Variants in TSPEAR observed in about 807,000 individuals in gnomAD.
TSPEAR encodes thrombospondin type laminin G domain and EAR repeats.
Under a neutral mutation model 71.6 loss-of-function variants are expected in TSPEAR, and 69 were observed. That is an observed-to-expected ratio of 0.96 (90% CI 0.79 to 1.18). The LOEUF (loss-of-function observed/expected upper bound fraction) is 1.18, where lower values mean the gene tolerates loss of function less well. TSPEAR is among the 50% of genes most tolerant of loss of function. TSPEAR has a pLI of 0.00. For missense variants in TSPEAR, 971 were observed against 894.9 expected (o/e 1.09, Z -1.09); for synonymous variants, 402 against 387.2 (o/e 1.04, Z -0.45).
chr21:44,709,557 G>C (rs186182297), intron 1 of TSPEAR, among the ~76,000 whole-genome samples: 1 of 152,356 alleles, frequency 6.6e-6, no homozygotes, highest in African/African-American at 2.4e-5. Context: ...CATGGGCCCC[G>C]TGGCAGACCC....
chr21:44,543,550 T>G (rs2053255147), intron 2 of TSPEAR, among the ~76,000 whole-genome samples: 1 of 152,174 alleles, frequency 6.6e-6, no homozygotes, highest in Non-Finnish European at 1.5e-5. Flanking sequence ...AATAAGGTAT[T>G]TGCAGATATA....
intron 1 of TSPEAR, chr21:44,600,589 C>A (rs1980732686): frequency 4.4e-6 from 7 of 1,596,262 alleles, no homozygotes; most frequent in Non-Finnish European, 6.0e-6. Context: ...CACTCACCCA[C>A]TCACTCCCAT....
intron 1 of TSPEAR, chr21:44,702,848 C>T: frequency 1.1e-6 from 1 of 908,628 alleles, no homozygotes; most frequent in South Asian, 1.5e-5. Context: ...CCCCCAACCT[C>T]TCCCACTGCT....
chr21:44,652,650 A>G (rs587746665), intron 1 of TSPEAR, among the ~76,000 whole-genome samples: 25 of 152,306 alleles, frequency 1.6e-4, no homozygotes, highest in African/African-American at 5.5e-4. Flanking sequence ...TATACTTGCA[A>G]GTATCTTTCT....
At chr21:44,518,811 A>G (rs2052668325) in intron 9 of TSPEAR, 1 of 421,636 alleles carries the variant, frequency 2.4e-6, no homozygotes, top group Non-Finnish European at 5.0e-6. Flanking sequence ...CTCCTCAAAC[A>G]TGCTCCAGTG....
At chr21:44,679,611 C>A (rs1555947592) in intron 1 of TSPEAR, among the ~76,000 whole-genome samples, 1 of 152,186 alleles carries the variant, frequency 6.6e-6, no homozygotes, top group Admixed American at 6.5e-5. Context: ...ACAAAAAGAA[C>A]AAACCTGTAG....
At position 44,678,746 on chromosome 21, in the gene TSPEAR, A is replaced by T. The variant is rs373889131; in HGVS notation, c.82+32687T>A. Among the ~76,000 whole-genome samples, 43 of 152,312 alleles carry T rather than the reference A, an allele frequency of 2.8e-4. 1 individual carries two copies. The South Asian group carries it at 7.9e-3, about 28-fold the overall frequency. ...AAAAATCTAAAGACTCCACCAAAAA[A>T]CTATTAGAACTGATAAACAAATTTA... On this transcript the variant is annotated intron_variant, in intron 1 of 11. Transcript: ENST00000323084.
intron 1 of TSPEAR, among the ~76,000 whole-genome samples, chr21:44,667,725 C>A (rs1985862332): frequency 6.6e-6 from 1 of 152,182 alleles, no homozygotes; most frequent in Non-Finnish European, 1.5e-5. Flanking sequence ...GCACCCTGTA[C>A]TGCAGGGACA....
At position 44,533,866 on chromosome 21, in the gene TSPEAR, G is replaced by A; in HGVS notation, c.361C>T (p.Leu121=). The A allele has an allele frequency of 8.1e-6, 13 of 1,612,442 alleles. No individual in the cohort carries two copies. The highest frequency in any genetic ancestry group is 9.3e-6 in the Non-Finnish European group (11 of 1,179,892). ...AEESDLLLLG[L]RLSPAQLHFL... is the part of the protein sequence containing the mutation. ...TGCAGCTGGGCAGGTGACAACCGCA[G>A]GCCGAGCAGCAGCAGGTCGCTCTCC... Residue 121 remains leucine (L), a synonymous_variant, in exon 3 of 12, where the codon CTG becomes TTG. Transcript: ENST00000323084.
At chr21:44,558,789 GTGAT>G in intron 2 of TSPEAR, 2 of 1,531,522 alleles carry the variant, frequency 1.3e-6, no homozygotes, top group African/African-American at 1.4e-5. Flanking sequence ...GAGTGAGTGA[GTGAT>G]CGTGCCAGGC....
chr21:44,697,824 G>T (rs576036099), intron 1 of TSPEAR: 1 of 1,613,420 alleles, frequency 6.2e-7, no homozygotes, highest in Non-Finnish European at 8.5e-7. Flanking sequence ...CCCGCCCGCC[G>T]CGTGCCCGTC....
At chr21:44,701,348 C>G (rs1555951503) in intron 1 of TSPEAR, among the ~76,000 whole-genome samples, 5 of 152,168 alleles carry the variant, frequency 3.3e-5, no homozygotes, top group Non-Finnish European at 7.3e-5. Flanking sequence ...GAACAGCGGT[C>G]CCCAACCTTC....
chr21:44,503,124 CG>C (rs1261691481), intron 11 of TSPEAR, among the ~76,000 whole-genome samples: 2 of 132,158 alleles, frequency 1.5e-5, no homozygotes, highest in Non-Finnish European at 3.2e-5. Flanking sequence ...GGTGAGTCCT[CG>C]GGGGGAAGCA....
At chr21:44,565,423 A>G (rs1161804657) in intron 2 of TSPEAR, among the ~76,000 whole-genome samples, 1 of 152,222 alleles carries the variant, frequency 6.6e-6, no homozygotes, top group Non-Finnish European at 1.5e-5. Flanking sequence ...AGAAAACTAC[A>G]GACCAATACC....
chr21:44,646,542 G>A, intron 1 of TSPEAR: 1 of 1,612,552 alleles, frequency 6.2e-7, no homozygotes. Flanking sequence ...GCTGCTGTGA[G>A]CCCCCCTGCA....
chr21:44,560,584 G>A (rs937098388), intron 2 of TSPEAR, among the ~76,000 whole-genome samples: 5 of 152,134 alleles, frequency 3.3e-5, no homozygotes, highest in African/African-American at 9.7e-5. Flanking sequence ...ATAATTGAAA[G>A]TAAAACACTC....
Position 44,504,857 on chromosome 21 carries a change from C to G in TSPEAR, c.1779G>C (p.Ser593=). Residue 593 remains serine, a synonymous_variant, in exon 11 of 12, where the codon TCG becomes TCC. Transcript: ENST00000323084. ...TCSALDWEFF[S]VGEDYFLVVA... is the part of the protein sequence containing the mutation. ...CCACCAGGAAATAATCTTCTCCCAC[C>G]GAGAAAAACTCCCAGTCCAGAGCAC... 1 of 1,613,776 alleles carries G rather than the reference C, an allele frequency of 6.2e-7. No individual in the cohort carries two copies. The highest frequency in any genetic ancestry group is 8.5e-7 in the Non-Finnish European group (1 of 1,179,862).
At chr21:44,514,451 G>A (rs997444568) in intron 9 of TSPEAR, among the ~76,000 whole-genome samples, 3 of 152,196 alleles carry the variant, frequency 2.0e-5, no homozygotes, top group Non-Finnish European at 4.4e-5. Context: ...CAAGTCGGGG[G>A]CCCAGCTGTG....
chr21:44,604,341 TA>T (rs1981175392), intron 1 of TSPEAR, among the ~76,000 whole-genome samples: 1 of 151,990 alleles, frequency 6.6e-6, no homozygotes, highest in African/African-American at 2.4e-5. Context: ...AAAGAAAACA[TA>T]AAAAGAAACG....
Sources: allele counts gnomAD v4.1 joint callset (sites outside exome capture counted in the v4.1 genomes callset), GRCh38; gene constraint gnomAD v4.1.1; transcripts MANE v1.5; gene names NCBI Gene and HGNC (gene_info 2026-07-23, HGNC 2026-07-21).